The following ADRA1A variants were observed in gnomAD, a reference collection of about 807,000 sequenced individuals.
ADRA1A encodes adrenoceptor alpha 1A.
In ADRA1A, 31 loss-of-function variants were observed where a neutral mutation model predicts 29.6. The observed-to-expected ratio is 1.05, with a 90% CI of 0.79 to 1.41. The LOEUF (loss-of-function observed/expected upper bound fraction) is 1.41. ADRA1A is among the 40% of genes most tolerant of loss of function. The pLI is 0.00. For missense variants in ADRA1A, 619 were observed against 601.1 expected, an observed-to-expected ratio of 1.03 and a Z score of -0.31; for synonymous variants, 311 against 254.3, an observed-to-expected ratio of 1.22 and a Z score of -2.12.
In ADRA1A at chr8:26,860,346, C is replaced by G. The variant is rs1813362451; in HGVS notation, c.883+3741G>C. On this transcript the variant is annotated intron_variant, in intron 2 of 2. Transcript: ENST00000380573. This position sits in a 1 kb window ranked among gnomAD's most constrained non-coding sequence, Gnocchi z 4.7. ...CTTCTACAACCTGGCTGTGGATGCT[C>G]CCTAACCTGACCGAGTCTGTGTCTC... Among the ~76,000 whole-genome samples the G allele has an allele frequency of 6.6e-6, 1 of 152,140 alleles. No homozygotes were observed. Among genetic ancestry groups the G allele is most frequent in the East Asian group, 1.9e-4 (1 of 5,174 alleles).
At chr8:26,757,214 T>C (rs1215946241) in intron 2 of ADRA1A, 1 of 696,612 alleles carries the variant, frequency 1.4e-6, no homozygotes, top group Non-Finnish European at 2.6e-6. Flanking sequence ...TTAAAACAAG[T>C]TTGAGATTCT....
chr8:26,782,387 C>G (rs922276448), intron 2 of ADRA1A, among the ~76,000 whole-genome samples: 22 of 152,188 alleles, frequency 1.4e-4, no homozygotes, highest in Non-Finnish European at 2.8e-4. Context: ...AATATGGCTT[C>G]TAAGTATAGC....
At chr8:26,857,360 G>C (rs1407881999) in intron 2 of ADRA1A, among the ~76,000 whole-genome samples, 2 of 152,076 alleles carry the variant, frequency 1.3e-5, no homozygotes, top group Non-Finnish European at 2.9e-5. Context: ...CTGAAACGCT[G>C]GCTTCTTATC....
intron 2 of ADRA1A, among the ~76,000 whole-genome samples, chr8:26,799,014 A>C (rs1289053065): frequency 1.3e-5 from 2 of 152,158 alleles, no homozygotes; most frequent in African/African-American, 4.8e-5. Flanking sequence ...CTATCTAGCA[A>C]GTTTCAATAA....
intron 2 of ADRA1A, among the ~76,000 whole-genome samples, chr8:26,828,099 G>T (rs1048741587): frequency 4.6e-5 from 7 of 151,968 alleles, no homozygotes; most frequent in African/African-American, 1.5e-4. Context: ...TTACCATGCT[G>T]CCCAGGCTGG....
chr8:26,779,030 C>T (rs1302801637), intron 2 of ADRA1A: 2 of 249,708 alleles, frequency 8.0e-6, no homozygotes, highest in African/African-American at 2.2e-5. Context: ...GAAGAGTAAT[C>T]TTCAAACTCA....
intron 2 of ADRA1A, among the ~76,000 whole-genome samples, chr8:26,837,874 T>C (rs1811503685): frequency 6.6e-6 from 1 of 152,224 alleles, no homozygotes; most frequent in South Asian, 2.1e-4. Context: ...GTTCCCACTT[T>C]TACTGCCTTT....
At chr8:26,774,536 G>A (rs1161860805) in intron 2 of ADRA1A, among the ~76,000 whole-genome samples, 1 of 152,104 alleles carries the variant, frequency 6.6e-6, no homozygotes, top group African/African-American at 2.4e-5. Context: ...GGGTGTGGTG[G>A]CATGTGCCTG....
intron 2 of ADRA1A, chr8:26,854,263 CA>C (rs1427354528): frequency 6.6e-6 from 1 of 152,182 alleles, no homozygotes; most frequent in African/African-American, 2.4e-5. Context: ...CACGGTGGTG[CA>C]TGTCTGTAGT....
downstream of ADRA1A, among the ~76,000 whole-genome samples, chr8:26,767,697 A>G (rs999983248): frequency 6.6e-6 from 1 of 152,210 alleles, no homozygotes; most frequent in African/African-American, 2.4e-5. Context: ...CTAAAATTTA[A>G]TATGTCTGTA....
chr8:26,834,781 A>G (rs894848847), intron 2 of ADRA1A, among the ~76,000 whole-genome samples: 1 of 152,198 alleles, frequency 6.6e-6, no homozygotes, highest in Non-Finnish European at 1.5e-5. Flanking sequence ...CATCTGGCAG[A>G]GAACTGACCC....
chr8:26,847,018 C>T (rs1028115761), intron 2 of ADRA1A, among the ~76,000 whole-genome samples: 10 of 151,918 alleles, frequency 6.6e-5, no homozygotes, highest in African/African-American at 2.2e-4. Flanking sequence ...GAATTGAACA[C>T]TGAGAACACA....
intron 2 of ADRA1A, among the ~76,000 whole-genome samples, chr8:26,858,841 T>C (rs1030872241): frequency 6.6e-6 from 1 of 152,100 alleles, no homozygotes; most frequent in Non-Finnish European, 1.5e-5. Context: ...CAACCAAACA[T>C]TTAGGATGCA....
At position 26,831,283 on chromosome 8, in the gene ADRA1A, A is replaced by G. The variant is rs560637997; in HGVS notation, c.883+32804T>C. 1.4e-4 allele frequency among the ~76,000 whole-genome samples: 22 copies of G among 152,342 alleles called. No homozygotes were observed. The highest frequency in any genetic ancestry group is 5.3e-4 in the African/African-American group (22 of 41,572). On this transcript the variant is annotated intron_variant, in intron 2 of 2. Coordinates refer to ENST00000380573, the MANE Select transcript of ADRA1A (RefSeq NM_000680.4). The surrounding 1 kb of genome is among the most constrained non-coding windows in gnomAD (Gnocchi z 5.2). Reference sequence around the variant, plus strand: ...AGTTATGAAATGCTTATTATGGATGATTCTGTGTCACAAAAACAGCATATA... The same window carrying G: ...AGTTATGAAATGCTTATTATGGATGGTTCTGTGTCACAAAAACAGCATATA...
At chr8:26,846,616 C>A (rs1389526198) in intron 2 of ADRA1A, among the ~76,000 whole-genome samples, 4 of 152,100 alleles carry the variant, frequency 2.6e-5, no homozygotes, top group Non-Finnish European at 5.9e-5. Context: ...TAAAAACATA[C>A]AAAAACTTAG....
At chr8:26,813,259 C>T (rs909102609) in intron 2 of ADRA1A, among the ~76,000 whole-genome samples, 1 of 152,136 alleles carries the variant, frequency 6.6e-6, no homozygotes, top group Non-Finnish European at 1.5e-5. Flanking sequence ...ACCTAAGTCA[C>T]CAAAGGAGCA....
chr8:26,784,046 A>G (rs1807194186), intron 2 of ADRA1A, among the ~76,000 whole-genome samples: 1 of 152,188 alleles, frequency 6.6e-6, no homozygotes, highest in East Asian at 1.9e-4. Context: ...GAATGAGAGC[A>G]TCAAGAAGAA....
At chr8:26,863,303 G>A (rs1813617743) in intron 2 of ADRA1A, among the ~76,000 whole-genome samples, 1 of 152,142 alleles carries the variant, frequency 6.6e-6, no homozygotes, top group African/African-American at 2.4e-5. Flanking sequence ...TTTGACAACA[G>A]CTAATTTAGC....
At chr8:26,801,877 T>G (rs1808604797) in intron 2 of ADRA1A, among the ~76,000 whole-genome samples, 1 of 152,136 alleles carries the variant, frequency 6.6e-6, no homozygotes, top group South Asian at 2.1e-4. Context: ...AACAACATGG[T>G]ACCGGCATAA....
Sources: allele counts gnomAD v4.1 joint callset (sites outside exome capture counted in the v4.1 genomes callset), GRCh38; gene constraint gnomAD v4.1.1; non-coding constraint Gnocchi (gnomAD v3.1); transcripts MANE v1.5; gene names NCBI Gene and HGNC (gene_info 2026-07-23, HGNC 2026-07-21).